Variants in GLIS3 observed in about 807,000 individuals in gnomAD.
GLIS3 encodes the protein GLIS family zinc finger 3.
Under a neutral mutation model 78.6 loss-of-function variants are expected in GLIS3, and 53 were observed. That is an observed-to-expected ratio of 0.67 (90% CI 0.54 to 0.85). The LOEUF (loss-of-function observed/expected upper bound fraction) is 0.85, where lower values mean the gene tolerates loss of function less well. Among genes scored for constraint, GLIS3 ranks in the 40% least tolerant of loss-of-function variants. The pLI is 0.00. For synonymous variants in GLIS3, 684 were observed against 509.9 expected (o/e 1.34, Z -4.60); for missense variants, 1,703 against 1,231.1 (o/e 1.38, Z -5.74).
chr9:4,118,628 G>C lies in GLIS3; in HGVS notation c.850C>G (p.Pro284Ala), dbSNP rs1314066533. The C allele has an allele frequency of 6.8e-6, 11 of 1,614,208 alleles. No individual in the cohort carries two copies. The highest frequency in any genetic ancestry group is 1.3e-5 in the African/African-American group (1 of 75,060). ...FGTESSHSPY[P>A]SPRHSSTRSH... The stretch of plus-strand genomic sequence containing the variant: ...CTGGTGGATGAGTGCCGAGGACTAG[G>C]GTAAGGAGAGTGGCTACTTTCCGTG... The change falls in exon 4 of 11, where the codon CCT becomes GCT. Residue 284 changes from proline (P) to alanine (A), a missense_variant. Coordinates refer to ENST00000381971, the MANE Select transcript of GLIS3 (RefSeq NM_001042413.2). The surrounding 1 kb of genome is among the most constrained non-coding windows in gnomAD (Gnocchi z 4.7).
chr9:4,344,548 T>A (rs1817875969), intron 2 of GLIS3, among the ~76,000 whole-genome samples: 1 of 152,232 alleles, frequency 6.6e-6, no homozygotes, highest in Non-Finnish European at 1.5e-5. Context: ...TCTTTCACAC[T>A]CGCTCACTCC....
chr9:4,227,321 A>G (rs903769481), intron 2 of GLIS3, among the ~76,000 whole-genome samples: 3 of 152,046 alleles, frequency 2.0e-5, no homozygotes, highest in Middle Eastern at 3.2e-3. Context: ...AAAAAAAAAA[A>G]AAAGTAAGTA....
Position 4,013,061 on chromosome 9 carries a change from T to C in GLIS3, c.1711-75872A>G, listed in dbSNP as rs1401504455. Among the ~76,000 whole-genome samples the C allele has an allele frequency of 2.6e-5, 4 of 151,920 alleles. No individual in the cohort carries two copies. The East Asian group carries it at 7.7e-4, about 29-fold the overall frequency. On this transcript the variant is annotated intron_variant, in intron 4 of 10. Transcript: ENST00000381971. ...GTGCTGGGATTACAGGTGTCTCTGGTTTCTTATATGGAAATAGAGCAAAAA... is the reference window on the plus strand; with the variant it reads ...GTGCTGGGATTACAGGTGTCTCTGGCTTCTTATATGGAAATAGAGCAAAAA...
At chr9:4,041,813 A>G (rs1012928549) in intron 4 of GLIS3, among the ~76,000 whole-genome samples, 9 of 152,208 alleles carry the variant, frequency 5.9e-5, no homozygotes, top group Admixed American at 4.6e-4. Context: ...CTTAAAAGAT[A>G]AATGACCCTA....
intron 2 of GLIS3, among the ~76,000 whole-genome samples, chr9:4,186,390 G>A (rs968999422): frequency 1.2e-4 from 18 of 151,800 alleles, no homozygotes; most frequent in Non-Finnish European, 2.2e-4. Flanking sequence ...TCTTAATCCA[G>A]TCTATCATTG....
intron 2 of GLIS3, among the ~76,000 whole-genome samples, chr9:4,247,290 T>A (rs530519787): frequency 6.6e-6 from 1 of 152,190 alleles, no homozygotes; most frequent in African/African-American, 2.4e-5. Context: ...GAAAGTACGG[T>A]TGTTTTAAAA....
At chr9:3,837,140 G>C (rs184483343) in intron 9 of GLIS3, among the ~76,000 whole-genome samples, 1 of 152,128 alleles carries the variant, frequency 6.6e-6, no homozygotes, top group Non-Finnish European at 1.5e-5. Flanking sequence ...ACTGACCTAC[G>C]ACAGGTCTGA....
chr9:3,867,740 TGTGTGTGTGTGTGTGA>T (rs1431054662), intron 8 of GLIS3, among the ~76,000 whole-genome samples: 19 of 151,222 alleles, frequency 1.3e-4, no homozygotes, highest in African/African-American at 4.6e-4. Flanking sequence ...CGTGCGTGTG[TGTGTGTGTGTGTGTGA>T]GTGCATGTGT....
intron 2 of GLIS3, among the ~76,000 whole-genome samples, chr9:4,143,543 G>C (rs550111293): frequency 1.3e-5 from 2 of 151,020 alleles, no homozygotes; most frequent in African/African-American, 4.9e-5. Context: ...CTCCAGCCTG[G>C]GCGACAGAGC....
chr9:4,031,496 G>A (rs948214452), intron 4 of GLIS3, among the ~76,000 whole-genome samples: 3 of 152,186 alleles, frequency 2.0e-5, no homozygotes, highest in Admixed American at 6.5e-5. Flanking sequence ...GGTAAGAAGG[G>A]AGAACTACCG....
intron 9 of GLIS3, among the ~76,000 whole-genome samples, chr9:3,844,532 T>G (rs2130109327): frequency 6.6e-6 from 1 of 152,352 alleles, no homozygotes; most frequent in African/African-American, 2.4e-5. Flanking sequence ...GAAAAAGTGC[T>G]AAGTCTATAA....
intron 2 of GLIS3, among the ~76,000 whole-genome samples, chr9:4,285,128 G>A (rs887361361): frequency 2.0e-5 from 3 of 152,120 alleles, no homozygotes; most frequent in African/African-American, 7.2e-5. Flanking sequence ...GCTGGTGTAA[G>A]CATTTTTAAC....
intron 4 of GLIS3, among the ~76,000 whole-genome samples, chr9:3,980,640 T>C (rs1451572131): frequency 6.6e-6 from 1 of 152,220 alleles, no homozygotes. Context: ...AGAGTGATAA[T>C]GTTTTTTAAT....
chr9:4,449,331 G>T, the GLIS3 span, among the ~76,000 whole-genome samples: 2 of 152,294 alleles, frequency 1.3e-5, no homozygotes, highest in Non-Finnish European at 2.9e-5. Flanking sequence ...CTCAAACTGG[G>T]CAGAACCCAC....
chr9:3,859,231 A>T (rs1819996349), intron 8 of GLIS3, among the ~76,000 whole-genome samples: 1 of 152,188 alleles, frequency 6.6e-6, no homozygotes, highest in Non-Finnish European at 1.5e-5. Context: ...GAAAACACAC[A>T]TACTTAGATG....
At chr9:4,089,910 C>G (rs1829352744) in intron 4 of GLIS3, among the ~76,000 whole-genome samples, 1 of 152,168 alleles carries the variant, frequency 6.6e-6, no homozygotes, top group Non-Finnish European at 1.5e-5. Context: ...TCCGGGTGAT[C>G]ATAAAGAGGA....
chr9:3,840,207 T>C (rs989518128), intron 9 of GLIS3, among the ~76,000 whole-genome samples: 1 of 152,254 alleles, frequency 6.6e-6, no homozygotes, highest in Admixed American at 6.5e-5. Flanking sequence ...CTTAGAAATA[T>C]GTAGAGGTTC....
At chr9:4,180,887 T>G (rs10814859) in intron 2 of GLIS3, among the ~76,000 whole-genome samples, 2 of 152,056 alleles carry the variant, frequency 1.3e-5, no homozygotes, top group East Asian at 3.9e-4. Context: ...GTCCCAAGTA[T>G]AGGTCCCACC....
chr9:4,070,405 G>C (rs1174083574), intron 4 of GLIS3, among the ~76,000 whole-genome samples: 1 of 152,164 alleles, frequency 6.6e-6, no homozygotes, highest in Non-Finnish European at 1.5e-5. Flanking sequence ...CATGTAATAA[G>C]GCTATGTCCC....
Sources: allele counts gnomAD v4.1 joint callset (sites outside exome capture counted in the v4.1 genomes callset), GRCh38; gene constraint gnomAD v4.1.1; non-coding constraint Gnocchi (gnomAD v3.1); transcripts MANE v1.5; gene names NCBI Gene and HGNC (gene_info 2026-07-23, HGNC 2026-07-21).